TUSC3: variants seen among roughly 807,000 people sequenced by gnomAD.
The protein encoded by TUSC3 is dolichyl-diphosphooligosaccharide--protein glycosyltransferase subunit TUSC3.
Under a neutral mutation model 44.8 loss-of-function variants are expected in TUSC3, and 45 were observed. The ratio of observed to expected loss-of-function variants is 1.00; its 90% CI spans 0.79 to 1.29. TUSC3 has a LOEUF of 1.29. Ranked by LOEUF, TUSC3 falls within the 50% of genes most tolerant of loss-of-function variation. The probability of loss-of-function intolerance (pLI) is 0.00; values close to 1 mark genes in which losing one functional copy is unlikely to be tolerated. For synonymous variants in TUSC3, 212 were observed against 152.9 expected, an observed-to-expected ratio of 1.39 and a Z score of -2.85; for missense variants, 519 against 437.9, an observed-to-expected ratio of 1.19 and a Z score of -1.65.
chr8:15,692,358 C>G (rs1319880194), intron 6 of TUSC3, among the ~76,000 whole-genome samples: 1 of 4,130 alleles, frequency 2.4e-4, no homozygotes, highest in Non-Finnish European at 4.8e-4. Flanking sequence ...TGGGAGGAGA[C>G]CCCCCCCCCC....
the TUSC3 span, among the ~76,000 whole-genome samples, chr8:15,845,539 G>T: frequency 6.6e-6 from 1 of 152,106 alleles, no homozygotes; most frequent in Non-Finnish European, 1.5e-5. Flanking sequence ...ACATTTTAAG[G>T]TTCTGTGATT....
At chr8:15,425,679 A>C (rs1799795057) in intron 1 of TUSC3, among the ~76,000 whole-genome samples, 1 of 152,224 alleles carries the variant, frequency 6.6e-6, no homozygotes, top group Non-Finnish European at 1.5e-5. Flanking sequence ...ACCAGAGCCA[A>C]AGATTATATT....
intron 1 of TUSC3, among the ~76,000 whole-genome samples, chr8:15,573,190 C>CTATATATA (rs1802948864): frequency 1.1e-5 from 1 of 92,520 alleles, no homozygotes; most frequent in East Asian, 3.8e-4. Flanking sequence ...CTCTCTCTCT[C>CTATATATA]TCTCTCTCTC....
chr8:15,784,164 G>A, the TUSC3 span, among the ~76,000 whole-genome samples: 4 of 152,090 alleles, frequency 2.6e-5, no homozygotes, highest in African/African-American at 9.7e-5. Context: ...ACAACCATTA[G>A]ATTGCCTATG....
chr8:15,559,723 C>G (rs1377623724), intron 1 of TUSC3, among the ~76,000 whole-genome samples: 1 of 126,152 alleles, frequency 7.9e-6, no homozygotes, highest in African/African-American at 2.9e-5. Flanking sequence ...ATAGTTAGCT[C>G]TTCTTGTTGA....
intron 2 of TUSC3, among the ~76,000 whole-genome samples, chr8:15,490,822 T>C (rs1410693843): frequency 6.6e-6 from 1 of 152,210 alleles, no homozygotes; most frequent in Non-Finnish European, 1.5e-5. Context: ...GCTAGATTTG[T>C]GTTGTAAATC....
chr8:15,761,621 T>C (rs537572730), intron 10 of TUSC3, among the ~76,000 whole-genome samples: 1 of 152,314 alleles, frequency 6.6e-6, no homozygotes, highest in South Asian at 2.1e-4. Flanking sequence ...ACTACTACTA[T>C]GGATAACTAC....
intron 9 of TUSC3, among the ~76,000 whole-genome samples, chr8:15,753,873 A>T (rs989014273): frequency 6.6e-6 from 1 of 152,088 alleles, no homozygotes; most frequent in Non-Finnish European, 1.5e-5. Flanking sequence ...AGCAAATGTG[A>T]TGGCAAAAGC....
chr8:15,670,405 C>T (rs969674254), intron 5 of TUSC3, among the ~76,000 whole-genome samples: 15 of 151,928 alleles, frequency 9.9e-5, no homozygotes, highest in African/African-American at 3.6e-4. Flanking sequence ...CTTATAAAAT[C>T]ACTTGATTTG....
intron 2 of TUSC3, among the ~76,000 whole-genome samples, chr8:15,627,003 G>A (rs532619012): frequency 7.9e-5 from 12 of 152,244 alleles, no homozygotes; most frequent in East Asian, 7.8e-4. Context: ...TGCCGGTCCC[G>A]TTGAACAGAG....
chr8:15,443,144 T>C (rs1345931853), intron 1 of TUSC3, among the ~76,000 whole-genome samples: 1 of 152,050 alleles, frequency 6.6e-6, no homozygotes, highest in Non-Finnish European at 1.5e-5. Flanking sequence ...GACATTTTTT[T>C]CTTTTTTCTT....
chr8:15,674,500 T>C (rs1488561591), intron 6 of TUSC3, among the ~76,000 whole-genome samples: 1 of 151,982 alleles, frequency 6.6e-6, no homozygotes, highest in Non-Finnish European at 1.5e-5. Context: ...CTTTTTCTTT[T>C]GGAAAAGATA....
chr8:15,513,390 C>G (rs1256575224), intron 2 of TUSC3, among the ~76,000 whole-genome samples: 1 of 151,990 alleles, frequency 6.6e-6, no homozygotes, highest in East Asian at 1.9e-4. Flanking sequence ...TTTTATCTTT[C>G]CTAGGGATAT....
At chr8:15,769,532 G>T (rs1228778638), downstream of TUSC3, among the ~76,000 whole-genome samples, 1 of 152,124 alleles carries the variant, frequency 6.6e-6, no homozygotes, top group Non-Finnish European at 1.5e-5. Flanking sequence ...AAGACTTCAT[G>T]ACTAAAACAC....
chr8:15,633,874 C>T (rs1805939146), intron 2 of TUSC3, among the ~76,000 whole-genome samples: 1 of 152,070 alleles, frequency 6.6e-6, no homozygotes, highest in African/African-American at 2.4e-5. Flanking sequence ...GTTATGGCCA[C>T]CCAGAGAAAC....
At chr8:15,455,053 G>T (rs1246028527) in intron 1 of TUSC3, among the ~76,000 whole-genome samples, 1 of 152,180 alleles carries the variant, frequency 6.6e-6, no homozygotes, top group Non-Finnish European at 1.5e-5. Context: ...CTTTGGGGAA[G>T]ATGATGACTT....
intron 2 of TUSC3, among the ~76,000 whole-genome samples, chr8:15,499,229 C>A (rs1034676637): frequency 6.6e-6 from 1 of 152,144 alleles, no homozygotes; most frequent in South Asian, 2.1e-4. Context: ...CTCTCTCTTA[C>A]CTGAAATTAT....
chr8:15,775,300 A>G, the TUSC3 span, among the ~76,000 whole-genome samples: 3 of 152,044 alleles, frequency 2.0e-5, no homozygotes, highest in African/African-American at 7.2e-5. Flanking sequence ...CAGGGGTTGG[A>G]TGAGGGGTAG....
intron 9 of TUSC3, among the ~76,000 whole-genome samples, chr8:15,755,653 T>C (rs73665499): frequency 5.3e-4 from 81 of 151,606 alleles, no homozygotes; most frequent in African/African-American, 1.8e-3. Flanking sequence ...CATTGAGGGC[T>C]AAAAGGCAGA....
Sources: gnomAD v4.1 joint callset for allele counts (sites outside exome capture counted in the v4.1 genomes callset) on GRCh38, gnomAD v4.1.1 for gene constraint, MANE v1.5 for transcripts, NCBI Gene and HGNC (gene_info 2026-07-23, HGNC 2026-07-21) for gene names.